FUT9: variants seen among roughly 807,000 people sequenced by gnomAD.
The protein encoded by FUT9 is fucosyltransferase 9.
A neutral mutation model predicts 29.7 loss-of-function variants in FUT9; 15 were observed. The observed-to-expected ratio is 0.51, with a 90% confidence interval of 0.34 to 0.78. FUT9 has a LOEUF of 0.78. Ranked by LOEUF, FUT9 falls within the 30% of genes least tolerant of loss-of-function variation. FUT9 has a pLI of 0.01. For synonymous variants in FUT9, 169 were observed against 153.7 expected (o/e 1.10, Z -0.74); for missense variants, 319 against 425.4 (o/e 0.75, Z 2.20).
intron 1 of FUT9, among the ~76,000 whole-genome samples, chr6:96,079,312 G>T (rs1367773639): frequency 6.6e-6 from 1 of 152,098 alleles, no homozygotes; most frequent in Non-Finnish European, 1.5e-5. Flanking sequence ...ATATTGACTA[G>T]TTTCTTGTCA....
chr6:96,100,291 A>G (rs1327298565), intron 1 of FUT9, among the ~76,000 whole-genome samples: 1 of 151,522 alleles, frequency 6.6e-6, no homozygotes, highest in Non-Finnish European at 1.5e-5. Context: ...AATATTTAAA[A>G]TGCTGTTCTA....
At chr6:96,104,350 T>C (rs1433240185) in intron 1 of FUT9, among the ~76,000 whole-genome samples, 1 of 152,224 alleles carries the variant, frequency 6.6e-6, no homozygotes, top group African/African-American at 2.4e-5. Context: ...TTAATATTAT[T>C]TGACCAAATT....
intron 1 of FUT9, among the ~76,000 whole-genome samples, chr6:96,094,877 A>G (rs1161647802): frequency 1.3e-5 from 2 of 152,016 alleles, no homozygotes; most frequent in Non-Finnish European, 2.9e-5. Context: ...TTTTTGGGGA[A>G]CAGGTGGTGT....
At chr6:96,037,985 C>T (rs1216904806) in intron 1 of FUT9, among the ~76,000 whole-genome samples, 1 of 142,180 alleles carries the variant, frequency 7.0e-6, no homozygotes, top group African/African-American at 2.6e-5. Context: ...CTACTATAGA[C>T]ACCTGAAACA....
intron 2 of FUT9, among the ~76,000 whole-genome samples, chr6:96,120,045 G>A (rs1771992341): frequency 6.6e-6 from 1 of 151,798 alleles, no homozygotes; most frequent in Admixed American, 6.6e-5. Context: ...TTTGTTATCT[G>A]TTACAATACA....
chr6:96,098,311 C>T (rs2127955959), intron 1 of FUT9, among the ~76,000 whole-genome samples: 1 of 152,226 alleles, frequency 6.6e-6, no homozygotes, highest in South Asian at 2.1e-4. Context: ...CAAACTACTG[C>T]CACATTCCCC....
At chr6:96,126,273 A>G (rs1303272761) in intron 2 of FUT9, among the ~76,000 whole-genome samples, 1 of 152,178 alleles carries the variant, frequency 6.6e-6, no homozygotes, top group Non-Finnish European at 1.5e-5. Context: ...GGAAGCTTTT[A>G]TTCATGGAGG....
chr6:96,062,875 G>A (rs1171172657), intron 1 of FUT9, among the ~76,000 whole-genome samples: 1 of 152,056 alleles, frequency 6.6e-6, no homozygotes, highest in East Asian at 1.9e-4. Flanking sequence ...CAACAAAAAA[G>A]TGCCTTCAGT....
intron 1 of FUT9, among the ~76,000 whole-genome samples, chr6:96,096,440 C>G (rs1434175033): frequency 6.6e-6 from 1 of 152,088 alleles, no homozygotes; most frequent in Non-Finnish European, 1.5e-5. Context: ...TCCTCTGCTT[C>G]TAGGCTTCTG....
intron 1 of FUT9, among the ~76,000 whole-genome samples, chr6:96,022,095 A>G (rs1297860245): frequency 6.6e-6 from 1 of 152,014 alleles, no homozygotes; most frequent in Non-Finnish European, 1.5e-5. Context: ...ATATGATTAG[A>G]GAGCTTCAAG....
intron 2 of FUT9, among the ~76,000 whole-genome samples, chr6:96,177,831 A>G (rs968937884): frequency 6.6e-6 from 1 of 152,194 alleles, no homozygotes. Context: ...AAGGTCCTCA[A>G]TATAGAGTCT....
At chr6:96,018,843 AACCC>A (rs1253075690) in intron 1 of FUT9, among the ~76,000 whole-genome samples, 1 of 152,048 alleles carries the variant, frequency 6.6e-6, no homozygotes, top group Non-Finnish European at 1.5e-5. Flanking sequence ...GAAAGGCTTC[AACCC>A]CTTGGAGACT....
intron 1 of FUT9, among the ~76,000 whole-genome samples, chr6:96,028,355 T>G (rs1348313440): frequency 6.6e-6 from 1 of 151,630 alleles, no homozygotes; most frequent in Non-Finnish European, 1.5e-5. Context: ...CACTGTGGTT[T>G]TGGCCAGTAT....
At chr6:96,045,838 CTT>C (rs36006490) in intron 1 of FUT9, among the ~76,000 whole-genome samples, 1 of 152,290 alleles carries the variant, frequency 6.6e-6, no homozygotes, top group East Asian at 1.9e-4. Flanking sequence ...CTGGCGGGTA[CTT>C]TTTTGCAGTT....
Position 96,016,127 on chromosome 6 carries a change from C to T in FUT9, c.-183C>T. 6.5e-6 allele frequency: 1 copy of T among 155,010 alleles called. No individual in the cohort carries two copies. Among genetic ancestry groups the T allele is most frequent in the Non-Finnish European group, 1.4e-5 (1 of 70,296 alleles). The allele number at this position is 155,010 out of a possible 1,614,324, so 9.6% of individuals were successfully genotyped here. A position where few individuals can be genotyped will look rare whatever the true frequency, so the allele number is the denominator to read the frequency against. ...AGCCCCAGTCGCGCTCTTAGGACAG[C>T]GCCGCCACCGCCGCCTGGCCCTGCC... On this transcript the variant is annotated 5_prime_UTR_variant, in exon 1 of 3. Coordinates refer to ENST00000302103, the MANE Select transcript of FUT9 (RefSeq NM_006581.4).
intron 2 of FUT9, among the ~76,000 whole-genome samples, chr6:96,132,393 G>T (rs1459284519): frequency 6.6e-6 from 1 of 152,112 alleles, no homozygotes; most frequent in African/African-American, 2.4e-5. Flanking sequence ...CCAGTAGAAC[G>T]CATCCTCTCT....
chr6:96,046,515 G>T (rs909767591), intron 1 of FUT9, among the ~76,000 whole-genome samples: 3 of 152,038 alleles, frequency 2.0e-5, no homozygotes, highest in African/African-American at 7.2e-5. Flanking sequence ...TCCTTTCTAA[G>T]TTTCTACTCA....
chr6:96,161,153 G>T (rs1272862977), intron 2 of FUT9, among the ~76,000 whole-genome samples: 1 of 152,132 alleles, frequency 6.6e-6, no homozygotes, highest in Non-Finnish European at 1.5e-5. Flanking sequence ...GTTTATATCT[G>T]CCCCAAATTT....
intron 1 of FUT9, among the ~76,000 whole-genome samples, chr6:96,074,417 G>T (rs1771111063): frequency 6.6e-6 from 1 of 152,132 alleles, no homozygotes. Flanking sequence ...ATTTCCTGAA[G>T]AAGCCAAGTT....
Sources: gnomAD v4.1 joint callset for allele counts (sites outside exome capture counted in the v4.1 genomes callset) on GRCh38, gnomAD v4.1.1 for gene constraint, MANE v1.5 for transcripts, NCBI Gene and HGNC (gene_info 2026-07-23, HGNC 2026-07-21) for gene names.